STK3: variants seen among roughly 807,000 people sequenced by gnomAD.
STK3 encodes the protein serine/threonine-protein kinase 3.
In STK3, 41 loss-of-function variants were observed where a neutral mutation model predicts 58.0. The ratio of observed to expected loss-of-function variants is 0.71; its 90% confidence interval spans 0.55 to 0.92. The LOEUF (loss-of-function observed/expected upper bound fraction) is 0.92. Ranked by LOEUF, STK3 falls within the 40% of genes least tolerant of loss-of-function variation. The probability of loss-of-function intolerance (pLI) is 0.00; values close to 1 mark genes in which losing one functional copy is unlikely to be tolerated. For synonymous variants in STK3, 170 were observed against 191.0 expected (o/e 0.89, Z 0.91); for missense variants, 479 against 602.7 (o/e 0.79, Z 2.15).
intron 1 of STK3, among the ~76,000 whole-genome samples, chr8:98,786,016 C>T (rs1187375510): frequency 1.3e-5 from 2 of 152,062 alleles, no homozygotes; most frequent in African/African-American, 4.8e-5. Flanking sequence ...AGCAATGGTC[C>T]CCAACCAACA....
chr8:98,488,920 C>T (rs1247603886), intron 10 of STK3, among the ~76,000 whole-genome samples: 3 of 152,156 alleles, frequency 2.0e-5, no homozygotes, highest in Non-Finnish European at 2.9e-5. Context: ...ATTATATGGA[C>T]GTTTCTGGGC....
intron 1 of STK3, among the ~76,000 whole-genome samples, chr8:98,818,267 G>T (rs1834674038): frequency 6.6e-6 from 1 of 152,208 alleles, no homozygotes; most frequent in Non-Finnish European, 1.5e-5. Context: ...TACAACAAGA[G>T]TGTATGTTAT....
intron 1 of STK3, among the ~76,000 whole-genome samples, chr8:98,929,324 G>A (rs1839925057): frequency 6.6e-6 from 1 of 152,124 alleles, no homozygotes; most frequent in South Asian, 2.1e-4. Context: ...TGAATGCCAA[G>A]AGTCACACAG....
At chr8:98,504,275 A>T (rs573794675) in intron 10 of STK3, among the ~76,000 whole-genome samples, 1 of 152,120 alleles carries the variant, frequency 6.6e-6, no homozygotes, top group East Asian at 1.9e-4. Context: ...TTTTGAGCCT[A>T]TGTGTGTCTC....
At chr8:98,759,944 T>A (rs1363445227) in intron 3 of STK3, among the ~76,000 whole-genome samples, 1 of 152,188 alleles carries the variant, frequency 6.6e-6, no homozygotes, top group Non-Finnish European at 1.5e-5. Flanking sequence ...CAGTATACTT[T>A]AAATCATGTC....
chr8:98,833,385 G>A (rs932235006), intron 3 of STK3, among the ~76,000 whole-genome samples: 3 of 152,138 alleles, frequency 2.0e-5, no homozygotes, highest in Non-Finnish European at 2.9e-5. Flanking sequence ...GAGCCTCCAG[G>A]TAGCTGACTT....
At chr8:98,376,718 GA>G (rs1449328656) in intron 2 of STK3, among the ~76,000 whole-genome samples, 1 of 152,042 alleles carries the variant, frequency 6.6e-6, no homozygotes, top group African/African-American at 2.4e-5. Context: ...GAGTTCAATG[GA>G]AAACGTATGT....
intron 10 of STK3, among the ~76,000 whole-genome samples, chr8:98,481,934 G>A (rs894102723): frequency 6.6e-6 from 1 of 152,138 alleles, no homozygotes; most frequent in African/African-American, 2.4e-5. Flanking sequence ...AGTCATTGAA[G>A]TGTAACATGT....
At chr8:98,937,830 T>G (rs1021239129) in intron 1 of STK3, among the ~76,000 whole-genome samples, 1 of 152,252 alleles carries the variant, frequency 6.6e-6, no homozygotes, top group African/African-American at 2.4e-5. Flanking sequence ...AACTTGTATC[T>G]GCATTCAAAT....
At chr8:98,369,210 G>T (rs1414750222), downstream of STK3, among the ~76,000 whole-genome samples, 2 of 152,208 alleles carry the variant, frequency 1.3e-5, no homozygotes, top group Non-Finnish European at 2.9e-5. Flanking sequence ...AAGGAGTGAA[G>T]CCCTAATTGC....
intron 1 of STK3, among the ~76,000 whole-genome samples, chr8:98,886,168 C>A (rs992966438): frequency 1.4e-4 from 22 of 152,124 alleles, no homozygotes; most frequent in Admixed American, 3.3e-4. Flanking sequence ...GATAAAATTG[C>A]ACAGAACTAT....
chr8:98,899,075 T>G (rs1838561649), intron 1 of STK3, among the ~76,000 whole-genome samples: 1 of 152,214 alleles, frequency 6.6e-6, no homozygotes, highest in African/African-American at 2.4e-5. Flanking sequence ...GGATACACTT[T>G]TATAAATAGA....
chr8:98,904,647 G>A (rs1202539482), intron 1 of STK3: 4 of 627,710 alleles, frequency 6.4e-6, no homozygotes, highest in South Asian at 1.4e-5. Flanking sequence ...CGTTCATACC[G>A]GGCCATGTCG....
chr8:98,597,922 C>T, intron 6 of STK3: 3 of 984,718 alleles, frequency 3.0e-6, no homozygotes, highest in Non-Finnish European at 3.6e-6. Context: ...GACAGCTCCA[C>T]AGTTGAGGCA....
rs547928779 is a variant in STK3, at chr8:98,421,384, G to A, written n.483+12743C>T. On this transcript the variant is annotated intron_variant and non_coding_transcript_variant, in intron 3 of 3. Transcript: ENST00000517832. ...CCTGAGGCTGAGAGGGGCCCTGGAG[G>A]GAGGTGGTTGCCCCTACCCTTGCAG... is the stretch of plus-strand genomic sequence containing the variant. Among the ~76,000 whole-genome samples the A allele has an allele frequency of 3.3e-5, 5 of 152,304 alleles. No individual in the cohort carries two copies. The South Asian group carries it at 1.0e-3, about 32-fold the overall frequency.
chr8:98,411,611 A>C (rs1418713645), intron 3 of STK3, among the ~76,000 whole-genome samples: 1 of 152,254 alleles, frequency 6.6e-6, no homozygotes, highest in Non-Finnish European at 1.5e-5. Flanking sequence ...CGATATCCAC[A>C]GACCACATTT....
At chr8:98,562,250 A>C (rs891086048) in intron 8 of STK3, among the ~76,000 whole-genome samples, 1 of 152,268 alleles carries the variant, frequency 6.6e-6, no homozygotes, top group South Asian at 2.1e-4. Context: ...GCCCCAAACT[A>C]ATAAGTAACT....
chr8:98,499,186 T>C (rs1317320000), intron 10 of STK3, among the ~76,000 whole-genome samples: 1 of 152,128 alleles, frequency 6.6e-6, no homozygotes, highest in Non-Finnish European at 1.5e-5. Context: ...CAGATCTAGA[T>C]ACTAAAAAGG....
chr8:98,457,536 C>A (rs904532989), intron 10 of STK3, among the ~76,000 whole-genome samples: 1 of 152,140 alleles, frequency 6.6e-6, no homozygotes, highest in African/African-American at 2.4e-5. Flanking sequence ...TTAAACAACA[C>A]AATTTAGTAT....
Sources: allele counts gnomAD v4.1 joint callset (sites outside exome capture counted in the v4.1 genomes callset), GRCh38; gene constraint gnomAD v4.1.1; transcripts MANE v1.5; gene names NCBI Gene and HGNC (gene_info 2026-07-23, HGNC 2026-07-21).